Variants in HYDIN observed in about 807,000 individuals in gnomAD.
HYDIN encodes the protein HYDIN axonemal central pair apparatus protein.
A neutral mutation model predicts 403.9 loss-of-function variants in HYDIN; 132 were observed. The observed-to-expected ratio is 0.33, with a 90% CI of 0.28 to 0.38. The LOEUF (loss-of-function observed/expected upper bound fraction) is 0.38, where lower values mean the gene tolerates loss of function less well. Ranked by LOEUF, HYDIN falls within the 10% of genes least tolerant of loss-of-function variation. The pLI is 1.00. For missense variants in HYDIN, 2,827 were observed against 5,009.5 expected (o/e 0.56, Z 13.15); for synonymous variants, 1,202 against 1,891.7 (o/e 0.64, Z 9.46).
At chr16:71,228,064 G>C (rs1476198597) in intron 1 of HYDIN, among the ~76,000 whole-genome samples, 7 of 152,220 alleles carry the variant, frequency 4.6e-5, no homozygotes, top group African/African-American at 1.7e-4. Flanking sequence ...ATGGGGAAAG[G>C]ATTCCCTATT....
chr16:71,048,979 G>T (rs1321632789), intron 18 of HYDIN, among the ~76,000 whole-genome samples: 1 of 152,210 alleles, frequency 6.6e-6, no homozygotes, highest in East Asian at 1.9e-4. Context: ...GTAGTTAAGA[G>T]GGCTGACTAT....
At chr16:71,167,856 T>C (rs1032353581) in intron 5 of HYDIN, among the ~76,000 whole-genome samples, 20 of 152,124 alleles carry the variant, frequency 1.3e-4, no homozygotes, top group African/African-American at 4.8e-4. Flanking sequence ...CTTCAGTTGA[T>C]GAACTGAACA....
chr16:70,805,467 G>A lies in HYDIN; in HGVS notation c.*2113C>T, dbSNP rs1052539383. Among the ~76,000 whole-genome samples the A allele has an allele frequency of 2.0e-5, 3 of 152,168 alleles. No homozygotes were observed. The highest frequency in any genetic ancestry group is 1.9e-4 in the East Asian group (1 of 5,190). ...TCACAGTCTGATTGGTCTCACCAAC[G>A]AGCATCACCAAGAACTGGTTAGAAA... On this transcript the variant is annotated 3_prime_UTR_variant, in exon 86 of 86. Transcript: ENST00000393567.
At chr16:70,892,560 G>C (rs1274784172) in intron 55 of HYDIN, 31 bp from the exon 56 acceptor site, 2 of 1,591,284 alleles carry the variant, frequency 1.3e-6, no homozygotes, top group Non-Finnish European at 1.7e-6. Flanking sequence ...GTCAGCCTAG[G>C]TCATTATCCC....
At chr16:70,867,219 A>G (rs2039814616) in intron 66 of HYDIN, among the ~76,000 whole-genome samples, 1 of 148,872 alleles carries the variant, frequency 6.7e-6, no homozygotes, top group South Asian at 2.1e-4. Flanking sequence ...AATCATATGA[A>G]GAAATACTCA....
intron 42 of HYDIN, among the ~76,000 whole-genome samples, chr16:70,943,471 C>T (rs1352208735): frequency 6.6e-6 from 1 of 152,008 alleles, no homozygotes; most frequent in Non-Finnish European, 1.5e-5. Context: ...CACTTAATAA[C>T]ATTGAAAATG....
rs975464560 is a variant in HYDIN, at chr16:71,158,683, T to G, written c.716+3848A>C. On this transcript the variant is annotated intron_variant, in intron 6 of 85. Transcript: ENST00000393567. ...TTTTTTCAATTGAAAAAGATGGTTT[T>G]TTTTTTTTTTTTTTTTGAGACATGG... 6.0e-5 allele frequency among the ~76,000 whole-genome samples: 9 copies of G among 149,590 alleles called. No individual in the cohort carries two copies. The East Asian group carries it at 9.7e-4, about 16-fold the overall frequency.
chr16:71,191,827 C>T (rs2087451742), intron 1 of HYDIN, among the ~76,000 whole-genome samples: 1 of 152,184 alleles, frequency 6.6e-6, no homozygotes, highest in African/African-American at 2.4e-5. Flanking sequence ...CATGTTCCCC[C>T]AGCTCTGCTT....
intron 1 of HYDIN, 121 bp from the exon 2 acceptor site, chr16:71,187,039 A>T: frequency 1.7e-6 from 1 of 599,242 alleles, no homozygotes; most frequent in Non-Finnish European, 2.9e-6. Context: ...TCCGAAATCC[A>T]AATGCTTGGA....
chr16:70,896,370 T>C (rs1366470972), intron 53 of HYDIN, among the ~76,000 whole-genome samples: 5 of 152,000 alleles, frequency 3.3e-5, no homozygotes, highest in African/African-American at 1.2e-4. Flanking sequence ...TTTTCTTTTT[T>C]GAGGCAGGCT....
intron 3 of HYDIN, among the ~76,000 whole-genome samples, chr16:71,183,562 G>A (rs1027581966): frequency 5.9e-5 from 9 of 152,040 alleles, no homozygotes; most frequent in African/African-American, 1.9e-4. Context: ...GCTGGCTTCC[G>A]ACTTCTACAT....
intron 62 of HYDIN, among the ~76,000 whole-genome samples, chr16:70,876,096 G>A (rs1194303898): frequency 2.0e-5 from 3 of 151,752 alleles, no homozygotes; most frequent in Non-Finnish European, 4.4e-5. Flanking sequence ...TAGAAATCCA[G>A]CAAGGTCAGT....
At chr16:70,875,405 G>A (rs1367917925) in intron 62 of HYDIN, among the ~76,000 whole-genome samples, 2 of 152,188 alleles carry the variant, frequency 1.3e-5, no homozygotes, top group Admixed American at 1.3e-4. Flanking sequence ...AACAAGGTGG[G>A]CATTTGACCT....
At chr16:71,019,632 G>T (rs527938529) in intron 22 of HYDIN, among the ~76,000 whole-genome samples, 2 of 152,106 alleles carry the variant, frequency 1.3e-5, no homozygotes, top group African/African-American at 4.8e-5. Flanking sequence ...TTTTTTTCCA[G>T]GAAAATGACA....
At chr16:70,949,100 C>T (rs955897152) in intron 41 of HYDIN, among the ~76,000 whole-genome samples, 7 of 151,882 alleles carry the variant, frequency 4.6e-5, no homozygotes, top group Non-Finnish European at 1.0e-4. Flanking sequence ...AAATGTGGCA[C>T]ATAGACACCA....
chr16:70,916,049 C>T (rs1159149667), intron 47 of HYDIN, among the ~76,000 whole-genome samples: 3 of 152,248 alleles, frequency 2.0e-5, no homozygotes, highest in African/African-American at 7.2e-5. Context: ...GGGCTGAGAA[C>T]TTGCCCCAGG....
chr16:70,835,064 C>A (rs1260449441), intron 78 of HYDIN, among the ~76,000 whole-genome samples: 1 of 145,074 alleles, frequency 6.9e-6, no homozygotes, highest in African/African-American at 2.6e-5. Context: ...GTGGTGCGAT[C>A]TCGACTCACT....
intron 18 of HYDIN, among the ~76,000 whole-genome samples, chr16:71,051,661 A>AAAAC (rs2081649534): frequency 2.8e-5 from 3 of 107,908 alleles, no homozygotes; most frequent in African/African-American, 6.8e-5. Flanking sequence ...AAAAAAAAAC[A>AAAAC]AAAAAAACAA....
At chr16:70,995,805 G>A (rs1334617408) in intron 23 of HYDIN, among the ~76,000 whole-genome samples, 3 of 152,172 alleles carry the variant, frequency 2.0e-5, no homozygotes, top group Admixed American at 6.5e-5. Flanking sequence ...CTTGGCTTCT[G>A]GGAGCGTCCA....
Sources: allele counts gnomAD v4.1 joint callset (sites outside exome capture counted in the v4.1 genomes callset), GRCh38; gene constraint gnomAD v4.1.1; transcripts MANE v1.5; gene names NCBI Gene and HGNC (gene_info 2026-07-23, HGNC 2026-07-21).